The following XRN2 variants were observed in gnomAD, a reference collection of about 807,000 sequenced individuals.
The protein encoded by XRN2 is DHM1-like protein.
A neutral mutation model predicts 138.5 loss-of-function variants in XRN2; 44 were observed. The observed-to-expected ratio is 0.32, with a 90% CI of 0.25 to 0.41. The LOEUF is 0.41. Among genes scored for constraint, XRN2 ranks in the 10% least tolerant of loss-of-function variants. The pLI, the probability that XRN2 is intolerant of heterozygous loss-of-function variation, is 1.00. For missense variants in XRN2, 937 were observed against 1,169.3 expected (o/e 0.80, Z 2.90); for synonymous variants, 354 against 369.4 (o/e 0.96, Z 0.48).
At position 21,365,401 on chromosome 20, in the gene XRN2, T is replaced by G. The variant is rs2038681818; in HGVS notation, c.2256-20T>G. 6.2e-7 allele frequency: 1 copy of G among 1,608,496 alleles called. No individual in the cohort carries two copies. The highest frequency in any genetic ancestry group is 8.5e-7 in the Non-Finnish European group (1 of 1,176,782). ...GGCTGATATAATCAGATCATTGAAT[T>G]GTTTCTTGTTCTTTTCCAGTATTAA... On this transcript the variant is annotated intron_variant, in intron 24 of 29. Transcript: ENST00000377191.
intron 13 of XRN2, among the ~76,000 whole-genome samples, chr20:21,336,156 G>A (rs899291829): frequency 2.0e-5 from 3 of 152,140 alleles, no homozygotes; most frequent in Non-Finnish European, 4.4e-5. Flanking sequence ...GATAGAAAAG[G>A]AATACATTAA....
chr20:21,355,163 G>T (rs945241251), intron 21 of XRN2, among the ~76,000 whole-genome samples: 1 of 152,068 alleles, frequency 6.6e-6, no homozygotes, highest in Admixed American at 6.5e-5. Flanking sequence ...ATGCACACAC[G>T]AAAGTATCTT....
chr20:21,377,146 A>G (rs1247462565), intron 27 of XRN2, among the ~76,000 whole-genome samples: 1 of 152,172 alleles, frequency 6.6e-6, no homozygotes, highest in Non-Finnish European at 1.5e-5. Flanking sequence ...AGCTTCATCT[A>G]GAATGGTCAT....
chr20:21,317,572 C>T (rs762006161), intron 1 of XRN2, among the ~76,000 whole-genome samples: 11 of 152,240 alleles, frequency 7.2e-5, no homozygotes, highest in Non-Finnish European at 1.0e-4. Flanking sequence ...CCGAAATCAA[C>T]GGAGGCTCAA....
chr20:21,364,056 C>T (rs541125783), intron 24 of XRN2, among the ~76,000 whole-genome samples: 13 of 152,168 alleles, frequency 8.5e-5, no homozygotes, highest in East Asian at 1.9e-4. Flanking sequence ...CTCAGCCTCC[C>T]GAGTAGCTGG....
At chr20:21,338,985 C>T in intron 13 of XRN2, 59 bp from the exon 14 acceptor site, 2 of 1,512,442 alleles carry the variant, frequency 1.3e-6, no homozygotes, top group Non-Finnish European at 1.8e-6. Flanking sequence ...CCTGGTAATG[C>T]TTAACTCTGA....
At chr20:21,331,432 CA>C (rs1385288150) in intron 6 of XRN2, 128 bp from the exon 7 acceptor site, 78 of 734,730 alleles carry the variant, frequency 1.1e-4, no homozygotes, top group Non-Finnish European at 1.3e-4. Context: ...CACACACACA[CA>C]CACACCCTTA....
chr20:21,328,001 T>C (rs1417477811), intron 3 of XRN2, among the ~76,000 whole-genome samples: 2 of 152,236 alleles, frequency 1.3e-5, no homozygotes, highest in Non-Finnish European at 2.9e-5. Flanking sequence ...CTAACTGCTA[T>C]GCCTTATTGA....
intron 2 of XRN2, 29 bp downstream of exon 2, chr20:21,326,435 A>G (rs776620358): frequency 1.9e-6 from 3 of 1,613,572 alleles, no homozygotes; most frequent in Admixed American, 1.7e-5. Context: ...TCACTGATAT[A>G]GCAAATCACA....
intron 1 of XRN2, among the ~76,000 whole-genome samples, chr20:21,310,394 G>T (rs1201802546): frequency 6.6e-6 from 1 of 152,156 alleles, no homozygotes; most frequent in African/African-American, 2.4e-5. Context: ...ATTTTCTGCT[G>T]CTGTGAAATT....
At position 21,334,595 on chromosome 20, in the gene XRN2, G is replaced by A. The variant is rs138515059; in HGVS notation, c.1233+410G>A. 2.1e-3 allele frequency among the ~76,000 whole-genome samples: 319 copies of A among 152,312 alleles called. 1 individual carries two copies. The highest frequency in any genetic ancestry group is 7.5e-3 in the African/African-American group (313 of 41,566). On this transcript the variant is annotated intron_variant, in intron 13 of 29. Transcript: ENST00000377191. ...GGGTTGGATTATATCAGCCAGGGCAGAGGGTTGGGAGAATGTAGGATCTGT... is the reference window on the plus strand; with the variant it reads ...GGGTTGGATTATATCAGCCAGGGCAAAGGGTTGGGAGAATGTAGGATCTGT...
At chr20:21,377,264 CTTTTTT>C (rs761622310) in intron 27 of XRN2, among the ~76,000 whole-genome samples, 2 of 82,782 alleles carry the variant, frequency 2.4e-5, no homozygotes, top group Non-Finnish European at 4.2e-5. Context: ...TCGGTTTTTT[CTTTTTT>C]TTTTTTTTGG....
intron 13 of XRN2, among the ~76,000 whole-genome samples, chr20:21,336,827 C>T (rs1271532768): frequency 1.1e-4 from 16 of 152,232 alleles, no homozygotes; most frequent in East Asian, 1.9e-4. Context: ...GAAAAGGTGA[C>T]GAGAGATGGC....
In XRN2 at chr20:21,365,552, G is replaced by A. The variant is rs527268567; in HGVS notation, c.2325-21G>A. 8 of 1,613,192 alleles carry A rather than the reference G, an allele frequency of 5.0e-6. No homozygotes were observed. The South Asian group carries it at 7.7e-5, about 16-fold the overall frequency. ...ATGGTTTTCATCCCTATTACTAAGT[G>A]TTGTCTTTTTAAATGGTCAGAAAGC... is the stretch of plus-strand genomic sequence containing the variant. On this transcript the variant is annotated intron_variant, in intron 25 of 29. Coordinates refer to ENST00000377191, the MANE Select transcript of XRN2 (RefSeq NM_012255.5).
At chr20:21,383,185 A>G (rs2038903635) in intron 28 of XRN2, among the ~76,000 whole-genome samples, 1 of 152,204 alleles carries the variant, frequency 6.6e-6, no homozygotes, top group African/African-American at 2.4e-5. Flanking sequence ...ACGACTAGCA[A>G]TGTGTGTATT....
intron 28 of XRN2, 40 bp from the exon 29 acceptor site, chr20:21,386,828 T>C (rs1396119827): frequency 6.3e-7 from 1 of 1,593,924 alleles, no homozygotes; most frequent in Admixed American, 1.7e-5. Context: ...TGCTGTATAA[T>C]AGGTGTGGCT....
rs1367887951 is a variant in XRN2 at position 21,331,743 on chromosome 20, A to G, written c.650-25A>G. ...CTTGTGGTATATAATATATTAATAT[A>G]AATACATGTTTCTCTCTTGTTTAGC... On this transcript the variant is annotated intron_variant, in intron 7 of 29. Transcript: ENST00000377191. The G allele has an allele frequency of 5.0e-6, 8 of 1,598,390 alleles. 1 individual carries two copies. The highest frequency in any genetic ancestry group is 6.0e-6 in the Non-Finnish European group (7 of 1,174,310).
chr20:21,326,508 AGAT>A lies in XRN2; in HGVS notation c.225_227del (p.Asp75del). ...ATTATAGACCAGCACCAAAAAATGA[AGAT>A]GAAATGATGGTTGCAATTTTTGAGT... On this transcript the variant is annotated inframe_deletion, in exon 3 of 30. Coordinates refer to ENST00000377191, the MANE Select transcript of XRN2 (RefSeq NM_012255.5). 6.2e-7 allele frequency: 1 copy of A among 1,614,110 alleles called. No homozygotes were observed. The highest frequency in any genetic ancestry group is 8.5e-7 in the Non-Finnish European group (1 of 1,179,980).
At chr20:21,365,832 A>G (rs1387634522) in intron 26 of XRN2, 128 bp downstream of exon 26, 3 of 150,612 alleles carry the variant, frequency 2.0e-5, no homozygotes, top group Non-Finnish European at 4.1e-5. Context: ...TATTATATAT[A>G]TTATATATAA....
Sources: allele counts gnomAD v4.1 joint callset (sites outside exome capture counted in the v4.1 genomes callset), GRCh38; gene constraint gnomAD v4.1.1; transcripts MANE v1.5; gene names NCBI Gene and HGNC (gene_info 2026-07-23, HGNC 2026-07-21).